The following SOD2 variants were observed in gnomAD, a reference collection of about 807,000 sequenced individuals.
The protein encoded by SOD2 is superoxide dismutase [Mn], mitochondrial.
SOD2 carries 11 observed loss-of-function variants against 27.0 expected under a neutral mutation model. That is an observed-to-expected ratio of 0.41 (90% CI 0.26 to 0.67). The LOEUF is 0.67. Ranked by LOEUF, SOD2 falls within the 30% of genes least tolerant of loss-of-function variation. SOD2 has a pLI of 0.34. For missense variants in SOD2, 250 were observed against 274.5 expected (o/e 0.91, Z 0.63); for synonymous variants, 105 against 103.0 (o/e 1.02, Z -0.12).
Position 159,685,022 on chromosome 6 carries a change from C to T in SOD2, c.355G>A (p.Glu119Lys). ...GGGEPKGELL[E>K]AIKRDFGSFD... ...GAACCAAAGTCACGTTTGATGGCTT[C>T]CAGCAACTCCCCTATTAAAAAAAAA... is the stretch of plus-strand genomic sequence containing the variant. Residue 119 changes from glutamate (E) to lysine (K), a missense_variant, in exon 4 of 5, where the codon GAA becomes AAA. Physicochemically the swap from Glu to Lys is moderately conservative, Grantham distance 56. Transcript: ENST00000538183. 1 of 1,596,428 alleles carries T rather than the reference C, an allele frequency of 6.3e-7. No homozygotes were observed. The highest frequency in any genetic ancestry group is 8.5e-7 in the Non-Finnish European group (1 of 1,173,488).
At chr6:159,758,710 A>C (rs1228630992) in intron 1 of SOD2, among the ~76,000 whole-genome samples, 1 of 152,158 alleles carries the variant, frequency 6.6e-6, no homozygotes, top group Non-Finnish European at 1.5e-5. Flanking sequence ...AGTGGTAAGG[A>C]GTACACTGCT....
chr6:159,728,151 T>A (rs1324565094), upstream of SOD2, among the ~76,000 whole-genome samples: 1 of 152,266 alleles, frequency 6.6e-6, no homozygotes, highest in Non-Finnish European at 1.5e-5. Flanking sequence ...TGTTACTACG[T>A]TCTCTTGTAG....
chr6:159,703,459 A>C (rs1777564139), intron 1 of SOD2, among the ~76,000 whole-genome samples: 1 of 152,188 alleles, frequency 6.6e-6, no homozygotes, highest in Non-Finnish European at 1.5e-5. Context: ...CAATACTTCT[A>C]AATGGAAATC....
chr6:159,757,945 T>C (rs1780048750), intron 1 of SOD2, among the ~76,000 whole-genome samples: 1 of 152,060 alleles, frequency 6.6e-6, no homozygotes, highest in African/African-American at 2.4e-5. Flanking sequence ...GATACAATTT[T>C]ATGACTGAAT....
intron 1 of SOD2, among the ~76,000 whole-genome samples, chr6:159,705,945 A>C (rs1777617845): frequency 6.6e-6 from 1 of 152,228 alleles, no homozygotes; most frequent in African/African-American, 2.4e-5. Context: ...AAGCCAGAAG[A>C]GAGTGGGGGC....
At chr6:159,710,289 A>ATATATATATAT (rs1562436098) in intron 1 of SOD2, among the ~76,000 whole-genome samples, 2 of 145,456 alleles carry the variant, frequency 1.4e-5, no homozygotes, top group African/African-American at 2.6e-5. Flanking sequence ...ATATATATAT[A>ATATATATATAT]AAATACAAAA....
chr6:159,688,884 G>A (rs1780316433), intron 2 of SOD2, among the ~76,000 whole-genome samples: 1 of 152,066 alleles, frequency 6.6e-6, no homozygotes, highest in Non-Finnish European at 1.5e-5. Context: ...AAAGCACACA[G>A]AGAAAAATAA....
chr6:159,742,204 C>A (rs544456531), intron 1 of SOD2: 3 of 1,393,500 alleles, frequency 2.2e-6, no homozygotes, highest in South Asian at 2.5e-5. Context: ...TTGTTAAAAT[C>A]AAAAGGATAG....
At chr6:159,744,721 A>T (rs1779467445) in intron 1 of SOD2, among the ~76,000 whole-genome samples, 1 of 150,812 alleles carries the variant, frequency 6.6e-6, no homozygotes. Flanking sequence ...TTTCCCACTA[A>T]CCCCCCCGCC....
intron 1 of SOD2, among the ~76,000 whole-genome samples, chr6:159,723,852 G>A (rs560827055): frequency 6.6e-6 from 1 of 152,070 alleles, no homozygotes; most frequent in Non-Finnish European, 1.5e-5. Flanking sequence ...TTAAACTCCT[G>A]GGCTCATTTG....
Position 159,688,317 on chromosome 6 carries a change from C to A in SOD2, c.227-75G>T, listed in dbSNP as rs1395323523. 4.5e-6 allele frequency: 4 copies of A among 893,566 alleles called. No individual in the cohort carries two copies. In the East Asian group the frequency reaches 9.8e-5, roughly 22 times the overall value. 55.4% of individuals were successfully genotyped at this position (893,566 alleles called of 1,614,324 possible). A position where few individuals can be genotyped will look rare whatever the true frequency, so the allele number is the denominator to read the frequency against. ...ACCACTGTATACATTATATTTTTTTCTTTGTAAGCTATTAGATAATGGGAC... is the reference window on the plus strand; with the variant it reads ...ACCACTGTATACATTATATTTTTTTATTTGTAAGCTATTAGATAATGGGAC... On this transcript the variant is annotated intron_variant, in intron 2 of 4. Transcript: ENST00000538183.
At chr6:159,740,895 G>T (rs998640722) in intron 1 of SOD2, among the ~76,000 whole-genome samples, 11 of 152,004 alleles carry the variant, frequency 7.2e-5, no homozygotes, top group East Asian at 5.8e-4. Flanking sequence ...GTAGAGACGG[G>T]ATTTCACTGT....
At chr6:159,748,251 A>G (rs774034462), upstream of SOD2, 26 of 1,614,100 alleles carry the variant, frequency 1.6e-5, no homozygotes, top group Non-Finnish European at 2.0e-5. This position sits in a 1 kb window ranked among gnomAD's most constrained non-coding sequence, Gnocchi z 5.6. Context: ...GAGATCAACA[A>G]TGGTAGACCC....
At chr6:159,751,605 C>T (rs1779823345) in intron 1 of SOD2, among the ~76,000 whole-genome samples, 1 of 152,022 alleles carries the variant, frequency 6.6e-6, no homozygotes, top group Non-Finnish European at 1.5e-5. Flanking sequence ...AACAAGAACA[C>T]CAGCTAATAA....
intron 1 of SOD2, among the ~76,000 whole-genome samples, chr6:159,735,531 G>A (rs906191374): frequency 6.6e-6 from 1 of 152,146 alleles, no homozygotes; most frequent in African/African-American, 2.4e-5. Flanking sequence ...CGGACGGGTT[G>A]CAATGTCAGG....
chr6:159,734,525 A>T (rs1452809110), intron 1 of SOD2, among the ~76,000 whole-genome samples: 1 of 152,190 alleles, frequency 6.6e-6, no homozygotes, highest in Non-Finnish European at 1.5e-5. Context: ...AGAAATAATA[A>T]CTAGGGCTGG....
At chr6:159,724,353 T>A (rs1002221581) in intron 1 of SOD2, among the ~76,000 whole-genome samples, 5 of 152,186 alleles carry the variant, frequency 3.3e-5, no homozygotes, top group African/African-American at 1.2e-4. Flanking sequence ...TCTTTGTATA[T>A]AGTAACATTA....
intron 1 of SOD2, among the ~76,000 whole-genome samples, chr6:159,709,019 G>A (rs1392148457): frequency 6.6e-6 from 1 of 152,168 alleles, no homozygotes; most frequent in African/African-American, 2.4e-5. Flanking sequence ...ATGGGGAAAG[G>A]ATTCCCTATT....
chr6:159,748,355 G>A (rs1779697441), upstream of SOD2: 1 of 1,613,594 alleles, frequency 6.2e-7, no homozygotes, highest in Non-Finnish European at 8.5e-7. The surrounding 1 kb of genome is among the most constrained non-coding windows in gnomAD (Gnocchi z 5.6). Flanking sequence ...GTGCCTGGAA[G>A]TTTACGCCTG....
Sources: allele counts gnomAD v4.1 joint callset (sites outside exome capture counted in the v4.1 genomes callset), GRCh38; gene constraint gnomAD v4.1.1; non-coding constraint Gnocchi (gnomAD v3.1); transcripts MANE v1.5; gene names NCBI Gene and HGNC (gene_info 2026-07-23, HGNC 2026-07-21).